Variants in EXOC6B observed in about 807,000 individuals in gnomAD.
EXOC6B encodes the protein exocyst complex component 6B, also known as SEC15 homolog B.
A neutral mutation model predicts 113.5 loss-of-function variants in EXOC6B; 54 were observed. That is an observed-to-expected ratio of 0.48 (90% CI 0.38 to 0.60). The LOEUF (loss-of-function observed/expected upper bound fraction) is 0.60. Among genes scored for constraint, EXOC6B ranks in the 20% least tolerant of loss-of-function variants. The pLI is 0.00. For synonymous variants in EXOC6B, 357 were observed against 339.0 expected (o/e 1.05, Z -0.58); for missense variants, 797 against 977.5 (o/e 0.82, Z 2.46).
chr2:72,809,080 G>C (rs545794216), intron 1 of EXOC6B, among the ~76,000 whole-genome samples: 14 of 151,692 alleles, frequency 9.2e-5, no homozygotes, highest in African/African-American at 3.4e-4. Context: ...ACAACAACAA[G>C]AGCAGCAGCA....
chr2:72,306,803 G>T (rs992530723), intron 20 of EXOC6B, among the ~76,000 whole-genome samples: 1 of 152,174 alleles, frequency 6.6e-6, no homozygotes, highest in Middle Eastern at 3.4e-3. Flanking sequence ...GTTTCCATAT[G>T]CTCTTAATCT....
chr2:72,315,820 G>T (rs150491806), intron 20 of EXOC6B, among the ~76,000 whole-genome samples: 2 of 152,086 alleles, frequency 1.3e-5, no homozygotes, highest in South Asian at 2.1e-4. Flanking sequence ...TTACCTTTAG[G>T]ACATTTTAAT....
intron 6 of EXOC6B, among the ~76,000 whole-genome samples, chr2:72,577,282 T>G (rs957621016): frequency 1.3e-5 from 2 of 152,076 alleles, no homozygotes; most frequent in African/African-American, 4.8e-5. Context: ...AGAAACCAAG[T>G]TAAATAGAAT....
intron 20 of EXOC6B, among the ~76,000 whole-genome samples, chr2:72,293,486 T>G: frequency 6.6e-6 from 1 of 152,104 alleles, no homozygotes; most frequent in East Asian, 1.9e-4. Context: ...TAATGTTTCA[T>G]TAGATGAATA....
chr2:72,401,952 CAT>C (rs1693362964), intron 18 of EXOC6B, among the ~76,000 whole-genome samples: 1 of 151,020 alleles, frequency 6.6e-6, no homozygotes, highest in African/African-American at 2.4e-5. Context: ...AGATTGCTGA[CAT>C]AAGATTTTTT....
chr2:72,272,334 T>C (rs1430175391), intron 20 of EXOC6B, among the ~76,000 whole-genome samples: 3 of 152,154 alleles, frequency 2.0e-5, no homozygotes, highest in African/African-American at 7.2e-5. Flanking sequence ...GCAGCCTGTT[T>C]GGTGTGTACA....
chr2:72,566,554 A>C (rs1474708229), intron 7 of EXOC6B, among the ~76,000 whole-genome samples: 1 of 151,686 alleles, frequency 6.6e-6, no homozygotes, highest in Non-Finnish European at 1.5e-5. Flanking sequence ...GCTAGGTCAT[A>C]TATATGACCA....
chr2:72,396,562 A>G (rs1431420241), intron 18 of EXOC6B, among the ~76,000 whole-genome samples: 1 of 152,190 alleles, frequency 6.6e-6, no homozygotes, highest in Non-Finnish European at 1.5e-5. Flanking sequence ...AAAAGACAAA[A>G]GGTGAATTGA....
At chr2:72,308,657 A>C (rs1687024134) in intron 20 of EXOC6B, among the ~76,000 whole-genome samples, 1 of 152,112 alleles carries the variant, frequency 6.6e-6, no homozygotes, top group Non-Finnish European at 1.5e-5. Flanking sequence ...GCTTTAAGTA[A>C]ATAAAAGCAA....
At chr2:72,504,981 T>C (rs926961037) in intron 11 of EXOC6B, among the ~76,000 whole-genome samples, 5 of 152,186 alleles carry the variant, frequency 3.3e-5, no homozygotes, top group African/African-American at 1.2e-4. Context: ...TGGTAGGAAT[T>C]CTTCATATAT....
chr2:72,538,974 T>C (rs1164077175), intron 8 of EXOC6B, among the ~76,000 whole-genome samples: 2 of 152,256 alleles, frequency 1.3e-5, no homozygotes, highest in East Asian at 1.9e-4. Context: ...GACTCTCAGA[T>C]CACAGCCAGA....
intron 19 of EXOC6B, among the ~76,000 whole-genome samples, chr2:72,360,725 T>C (rs953475285): frequency 3.3e-5 from 5 of 152,046 alleles, no homozygotes; most frequent in Non-Finnish European, 7.4e-5. Flanking sequence ...TGCAGCTGGA[T>C]AGTTGAGAAA....
At chr2:72,644,592 G>A (rs184056005) in intron 6 of EXOC6B, among the ~76,000 whole-genome samples, 12 of 152,246 alleles carry the variant, frequency 7.9e-5, no homozygotes, top group Non-Finnish European at 1.0e-4. Context: ...CGGATCTCTC[G>A]ACAGAAACTC....
chr2:72,274,252 A>C (rs2104641494), intron 20 of EXOC6B, among the ~76,000 whole-genome samples: 1 of 152,314 alleles, frequency 6.6e-6, no homozygotes, highest in Non-Finnish European at 1.5e-5. Context: ...ATAACACAGA[A>C]GTCCAACAAA....
At chr2:72,524,166 A>C (rs987864235) in intron 8 of EXOC6B, among the ~76,000 whole-genome samples, 5 of 152,020 alleles carry the variant, frequency 3.3e-5, no homozygotes, top group East Asian at 3.9e-4. Context: ...AAAAAAAAAA[A>C]AAAAACTGAA....
At position 72,824,244 on chromosome 2, in the gene EXOC6B, G is replaced by A. The variant is rs141272940; in HGVS notation, c.113+1554C>T. On this transcript the variant is annotated intron_variant, in intron 1 of 21. Transcript: ENST00000272427. Reference sequence around the variant, plus strand: ...CTACAAAAAGTTTAAAACTTAGCCAGGTGTGGTGGTGGTGCACAGCTGTAG... The same window carrying A: ...CTACAAAAAGTTTAAAACTTAGCCAAGTGTGGTGGTGGTGCACAGCTGTAG... 4.2e-3 allele frequency among the ~76,000 whole-genome samples: 633 copies of A among 152,086 alleles called. 5 individuals carry two copies. Among genetic ancestry groups the A allele is most frequent in the African/African-American group, 0.015 (612 of 41,484 alleles).
chr2:72,681,569 C>G (rs4852890), intron 6 of EXOC6B, among the ~76,000 whole-genome samples: 93,179 of 152,050 alleles, frequency 0.61, 34,798 homozygotes, highest in East Asian at 0.99. Context: ...CCTGATTAGT[C>G]CTAAAAGTCC....
At chr2:72,823,255 T>C (rs192194747) in intron 1 of EXOC6B, among the ~76,000 whole-genome samples, 244 of 151,426 alleles carry the variant, frequency 1.6e-3, no homozygotes, top group Non-Finnish European at 2.5e-3. Context: ...TCTCAAACTT[T>C]CTTTTTTTTA....
intron 18 of EXOC6B, among the ~76,000 whole-genome samples, chr2:72,411,628 A>G (rs1225576022): frequency 6.6e-6 from 1 of 152,220 alleles, no homozygotes; most frequent in Non-Finnish European, 1.5e-5. Flanking sequence ...GTTTGCTGCC[A>G]GCATTTATAA....
Sources: gnomAD v4.1 joint callset for allele counts (sites outside exome capture counted in the v4.1 genomes callset) on GRCh38, gnomAD v4.1.1 for gene constraint, MANE v1.5 for transcripts, NCBI Gene and HGNC (gene_info 2026-07-23, HGNC 2026-07-21) for gene names.